Variants in AJUBA observed in about 807,000 individuals in gnomAD.
The protein encoded by AJUBA is LIM domain-containing protein ajuba.
A neutral mutation model predicts 53.3 loss-of-function variants in AJUBA; 20 were observed. The observed-to-expected ratio is 0.38, with a 90% CI of 0.26 to 0.55. The LOEUF (loss-of-function observed/expected upper bound fraction) is 0.55. AJUBA is among the 20% of genes least tolerant of loss of function. The pLI is 0.80. For synonymous variants in AJUBA, 296 were observed against 306.2 expected, an observed-to-expected ratio of 0.97 and a Z score of 0.35; for missense variants, 580 against 730.5, an observed-to-expected ratio of 0.79 and a Z score of 2.38.
Position 22,976,647 on chromosome 14 carries a change from G to T in AJUBA, c.1174C>A (p.Leu392Met). The T allele has an allele frequency of 1.2e-6, 2 of 1,614,042 alleles. No individual in the cohort carries two copies. The highest frequency in any genetic ancestry group is 1.7e-6 in the Non-Finnish European group (2 of 1,180,000). Reference protein sequence around the residue: ...NGSVYCEEDYLFSGFQEAAEK... With the variant: ...NGSVYCEEDYMFSGFQEAAEK... ...AGGTCCAGGTGACCCTTACTCACCA[G>T]ATAATCTTCCTCACAGTACACAGAG... Residue 392 changes from leucine (L) to methionine (M), a missense_variant and splice_region_variant, in exon 3 of 8, where the codon CTG (leucine) becomes ATG (methionine). Around this residue, in one of 2 missense-constraint regions of AJUBA, gnomAD observed 150 missense variants for 259.0 expected, o/e 0.58. Transcript: ENST00000262713.
rs551013867 is a variant in AJUBA, at chr14:22,980,702, T to A, written c.1006+559A>T. 9.3e-5 allele frequency: 92 copies of A among 984,710 alleles called. 1 individual carries two copies. The Middle Eastern group carries it at 1.6e-3, about 17-fold the overall frequency. The allele number at this position is 984,710 out of a possible 1,614,324, so 61.0% of individuals were successfully genotyped here. ...CCGACAGCCGCCACTACTCCGCGTA[T>A]GCTAGGGAGCGTCCCCCGATCCCCG... On this transcript the variant is annotated intron_variant, in intron 1 of 7. Transcript: ENST00000262713.
In AJUBA at chr14:22,982,366, G is replaced by C. The variant is rs2045111936; in HGVS notation, c.-100C>G. ...CTGCAGCCGGACTCTGGTTCCCCAG[G>C]GGCACAGGGGAGGCACAGGGGCTTA... On this transcript the variant is annotated 5_prime_UTR_variant, in exon 1 of 8. Coordinates refer to ENST00000262713, the MANE Select transcript of AJUBA (RefSeq NM_032876.6). The C allele has an allele frequency of 6.5e-7, 1 of 1,544,566 alleles. No individual in the cohort carries two copies. The highest frequency in any genetic ancestry group is 8.7e-7 in the Non-Finnish European group (1 of 1,155,732).
At chr14:22,981,230 C>T in intron 1 of AJUBA, 31 bp downstream of exon 1, 2 of 1,560,718 alleles carry the variant, frequency 1.3e-6, no homozygotes, top group Non-Finnish European at 1.7e-6. Context: ...TGACGGGTCC[C>T]TTCCCGTCCC....
At position 22,982,541 on chromosome 14, in the gene AJUBA, C is replaced by T; in HGVS notation, c.-275G>A. The stretch of plus-strand genomic sequence containing the variant: ...GCAGGTCTATCTGTTCACGCGTCGA[C>T]TCGCCCGACTGCCCCACTCTCCCCG... On this transcript the variant is annotated 5_prime_UTR_variant, in exon 1 of 8. Coordinates refer to ENST00000262713, the MANE Select transcript of AJUBA (RefSeq NM_032876.6). 1 of 1,307,644 alleles carries T rather than the reference C, an allele frequency of 7.6e-7. No individual in the cohort carries two copies. The highest frequency in any genetic ancestry group is 9.7e-7 in the Non-Finnish European group (1 of 1,028,500). The allele number at this position is 1,307,644 out of a possible 1,614,324, so 81.0% of individuals were successfully genotyped here.
At position 22,982,139 on chromosome 14, in the gene AJUBA, C is replaced by G. The variant is rs375437444; in HGVS notation, c.128G>C (p.Gly43Ala). 174 of 1,606,852 alleles carry G rather than the reference C, an allele frequency of 1.1e-4. No homozygotes were observed. Among genetic ancestry groups the G allele is most frequent in the Non-Finnish European group, 1.4e-4 (167 of 1,177,138 alleles). The stretch of plus-strand genomic sequence containing the variant: ...TCCTCGGGGCCCTGACTTCCTAGGT[C>G]CCCCCAACCCACTTAGGCGCCCCTT... ...PGKGRLSGLG[G>A]PRKSGPRGAT... is the part of the protein sequence containing the mutation. The change falls in exon 1 of 8, where the codon GGA (glycine) becomes GCA (alanine). Residue 43 changes from glycine to alanine, a missense_variant. Gly to Ala is a moderately conservative substitution (Grantham distance 60, BLOSUM62 0). Transcript: ENST00000262713.
intron 2 of AJUBA, 101 bp from the exon 3 acceptor site, chr14:22,976,813 A>C: frequency 6.6e-7 from 1 of 1,509,062 alleles, no homozygotes; most frequent in Non-Finnish European, 8.9e-7. Context: ...TTAAACCTGG[A>C]CTTTGTGCTT....
chr14:22,975,262 C>A, intron 4 of AJUBA, 158 bp from the exon 5 acceptor site: 1 of 1,040,102 alleles, frequency 9.6e-7, no homozygotes, highest in Admixed American at 2.8e-5. Flanking sequence ...AAAATGGAGG[C>A]GGAGACCCTG....
intron 1 of AJUBA, among the ~76,000 whole-genome samples, chr14:22,980,373 C>T (rs979528995): frequency 1.3e-5 from 2 of 152,138 alleles, no homozygotes; most frequent in Non-Finnish European, 2.9e-5. Context: ...AGGGAGACAG[C>T]GACCAGGTTT....
Position 22,976,635 on chromosome 14 carries a change from C to G in AJUBA, c.1176+10G>C, listed in dbSNP as rs751930617. The G allele has an allele frequency of 1.2e-6, 2 of 1,613,510 alleles. No individual in the cohort carries two copies. Among genetic ancestry groups the G allele is most frequent in the Non-Finnish European group, 1.7e-6 (2 of 1,179,668 alleles). ...GAAACCAATTCCAGGTCCAGGTGAC[C>G]CTTACTCACCAGATAATCTTCCTCA... On this transcript the variant is annotated intron_variant, in intron 3 of 7. Coordinates refer to ENST00000262713, the MANE Select transcript of AJUBA (RefSeq NM_032876.6).
intron 1 of AJUBA, 181 bp from the exon 2 acceptor site, chr14:22,978,626 CTT>C: frequency 7.2e-7 from 1 of 1,387,694 alleles, no homozygotes; most frequent in Non-Finnish European, 9.4e-7. Flanking sequence ...CAGATCCATT[CTT>C]GTTTATTTAA....
chr14:22,981,303 G>T lies in AJUBA; in HGVS notation c.964C>A (p.Arg322=). 7.4e-6 allele frequency: 12 copies of T among 1,611,472 alleles called. No homozygotes were observed. Among genetic ancestry groups the T allele is most frequent in the Non-Finnish European group, 1.0e-5 (12 of 1,178,354 alleles). Residue 322 remains arginine (R), a synonymous_variant, in exon 1 of 8, where the codon CGG becomes AGG. Coordinates refer to ENST00000262713, the MANE Select transcript of AJUBA (RefSeq NM_032876.6). ...GCCTCTGGCTCCCGCATCCGGGCCC[G>T]GGCGGCCTCCGGAACGAAAGGACCT... ...PPGPFVPEAA[R]ARMREPEARE... is the part of the protein sequence containing the mutation.
Position 22,978,934 on chromosome 14 carries a change from C to G in AJUBA, c.1007-489G>C, listed in dbSNP as rs757267392. ...TTTCCCATCAGTCAAACGAGCTGTT[C>G]AGTTATAGAATGATTTCTCTCCACT... On this transcript the variant is annotated intron_variant, in intron 1 of 7. Coordinates refer to ENST00000262713, the MANE Select transcript of AJUBA (RefSeq NM_032876.6). The G allele has an allele frequency of 2.0e-5, 26 of 1,288,848 alleles. No homozygotes were observed. In the South Asian group the frequency reaches 3.1e-4, roughly 15 times the overall value. 79.8% of individuals were successfully genotyped at this position (1,288,848 alleles called of 1,614,324 possible). A position where few individuals can be genotyped will look rare whatever the true frequency, so the allele number is the denominator to read the frequency against.
intron 4 of AJUBA, among the ~76,000 whole-genome samples, chr14:22,976,128 G>C (rs1275785504): frequency 3.0e-5 from 4 of 133,798 alleles, no homozygotes; most frequent in Non-Finnish European, 1.5e-5. Context: ...ATTCCACTTT[G>C]TCAGAGCGAG....
chr14:22,982,249 C>T lies in AJUBA; in HGVS notation c.18G>A (p.Glu6=), dbSNP rs957328426. Reference sequence around the variant, plus strand: ...ACTTCTCCAGCAGGCGACTGGCTTTCTCTCCTAACCGCTCCATGCCCTCGG... The same window carrying T: ...ACTTCTCCAGCAGGCGACTGGCTTTTTCTCCTAACCGCTCCATGCCCTCGG... MERLG[E]KASRLLEKFG... is the part of the protein sequence containing the mutation. Residue 6 remains glutamate, a synonymous_variant, in exon 1 of 8, where the codon GAG becomes GAA. Coordinates refer to ENST00000262713, the MANE Select transcript of AJUBA (RefSeq NM_032876.6). The T allele has an allele frequency of 2.5e-6, 4 of 1,613,808 alleles. No homozygotes were observed. In the African/African-American group the frequency reaches 5.3e-5, roughly 22 times the overall value.
chr14:22,981,614 C>T lies in AJUBA; in HGVS notation c.653G>A (p.Arg218Gln). The change falls in exon 1 of 8, where the codon CGG becomes CAG. Residue 218 changes from arginine to glutamine, a missense_variant. Transcript: ENST00000262713. ...HAALDRLYAQ[R>Q]PAGFGCQESR... is the part of the protein sequence containing the mutation. ...TTCCTGGCAGCCGAACCCCGCGGGC[C>T]GCTGAGCGTACAATCGGTCCAGGGC... The T allele has an allele frequency of 6.5e-7, 1 of 1,531,156 alleles. No individual in the cohort carries two copies. The highest frequency in any genetic ancestry group is 2.0e-5 in the Admixed American group (1 of 50,228). The allele number at this position is 1,531,156 out of a possible 1,614,324, so 94.8% of individuals were successfully genotyped here.
At chr14:22,980,664 A>G (rs879927068) in intron 1 of AJUBA, 25 of 985,222 alleles carry the variant, frequency 2.5e-5, no homozygotes, top group Non-Finnish European at 3.0e-5. Flanking sequence ...CCTGTCTCCC[A>G]GGCTCCATTT....
intron 4 of AJUBA, among the ~76,000 whole-genome samples, chr14:22,976,107 G>A (rs1247158364): frequency 7.1e-6 from 1 of 141,744 alleles, no homozygotes; most frequent in African/African-American, 2.7e-5. Flanking sequence ...AGGTTGCAGT[G>A]AGCCGAGATC....
chr14:22,976,417 C>T (rs367814359), intron 4 of AJUBA, 39 bp downstream of exon 4: 2 of 1,600,014 alleles, frequency 1.2e-6, no homozygotes, highest in African/African-American at 2.7e-5. Flanking sequence ...GCTCCTCAGC[C>T]TCACAGTGAG....
At chr14:22,977,149 T>C (rs2045044855) in intron 2 of AJUBA, 4 of 1,003,556 alleles carry the variant, frequency 4.0e-6, no homozygotes, top group Middle Eastern at 5.0e-4. Context: ...CCTCTTTGCC[T>C]GAGCATATCT....
Sources: gnomAD v4.1 joint callset for allele counts (sites outside exome capture counted in the v4.1 genomes callset) on GRCh38, gnomAD v4.1.1 for gene constraint, gnomAD v4.1.1 regional missense constraint, MANE v1.5 for transcripts, NCBI Gene and HGNC (gene_info 2026-07-23, HGNC 2026-07-21) for gene names.